CNTROB: variants seen among roughly 807,000 people sequenced by gnomAD.
CNTROB encodes the protein centrobin, centriole duplication and spindle assembly protein.
In CNTROB, 82 loss-of-function variants were observed where a neutral mutation model predicts 115.7. That is an observed-to-expected ratio of 0.71 (90% CI 0.59 to 0.85). CNTROB has a LOEUF of 0.85. Among genes scored for constraint, CNTROB ranks in the 40% least tolerant of loss-of-function variants. The probability of loss-of-function intolerance (pLI) is 0.00; values close to 1 mark genes in which losing one functional copy is unlikely to be tolerated. For synonymous variants in CNTROB, 439 were observed against 456.4 expected (o/e 0.96, Z 0.49); for missense variants, 1,014 against 1,144.4 (o/e 0.89, Z 1.64).
At position 7,948,247 on chromosome 17, in the gene CNTROB, C is replaced by T. The variant is rs1974791897; in HGVS notation, c.2300C>T (p.Ala767Val). 2 of 1,614,170 alleles carry T rather than the reference C, an allele frequency of 1.2e-6. No homozygotes were observed. Among genetic ancestry groups the T allele is most frequent in the African/African-American group, 1.3e-5 (1 of 75,032 alleles). Residue 767 changes from alanine to valine, a missense_variant, in exon 16 of 19, where the codon GCA (alanine) becomes GTA (valine). Physicochemically the swap from Ala to Val is moderately conservative, Grantham distance 64. Coordinates refer to ENST00000563694, the MANE Select transcript of CNTROB (RefSeq NM_053051.5). The surrounding 1 kb of genome is among the most constrained non-coding windows in gnomAD (Gnocchi z 4.4). The stretch of plus-strand genomic sequence containing the variant: ...AAAACCAAAGTTCCCTTAGCCATGG[C>T]ATCCAGTCTTTTCCGGGTCCCTGAG... Reference protein sequence around the residue: ...VHKTKVPLAMASSLFRVPEPP... With the variant: ...VHKTKVPLAMVSSLFRVPEPP...
In CNTROB at chr17:7,943,703, G is replaced by C; in HGVS notation, c.1445+179G>C. The C allele has an allele frequency of 3.1e-6, 2 of 639,712 alleles. No homozygotes were observed. Among genetic ancestry groups the C allele is most frequent in the South Asian group, 2.2e-5 (1 of 44,864 alleles). 39.6% of individuals were successfully genotyped at this position (639,712 alleles called of 1,614,324 possible). On this transcript the variant is annotated intron_variant, in intron 10 of 18. Coordinates refer to ENST00000563694, the MANE Select transcript of CNTROB (RefSeq NM_053051.5). The surrounding 1 kb of genome is among the most constrained non-coding windows in gnomAD (Gnocchi z 4.7). ...AGGGCTGCCTTCACGCGTTCATGGA[G>C]AGCCAGAAGTGCCTGGGAATTTTCA...
At chr17:7,938,488 G>T (rs1016054639) in intron 7 of CNTROB, among the ~76,000 whole-genome samples, 5 of 152,230 alleles carry the variant, frequency 3.3e-5, no homozygotes, top group Non-Finnish European at 7.3e-5. Context: ...TTATAGGCTG[G>T]ATATTCTAGT....
Position 7,948,101 on chromosome 17 carries a change from A to T in CNTROB, c.2210-56A>T, listed in dbSNP as rs942170291. On this transcript the variant is annotated intron_variant, in intron 15 of 18. Coordinates refer to ENST00000563694, the MANE Select transcript of CNTROB (RefSeq NM_053051.5). This position sits in a 1 kb window ranked among gnomAD's most constrained non-coding sequence, Gnocchi z 4.4. The stretch of plus-strand genomic sequence containing the variant: ...AGCCTTATAAATGCTGGGTGGTGGG[A>T]CTTCCTTGGTTCTATGCCCCATTTC... 3.7e-6 allele frequency: 6 copies of T among 1,606,588 alleles called. No individual in the cohort carries two copies. The Admixed American group carries it at 5.0e-5, about 13-fold the overall frequency.
intron 6 of CNTROB, 80 bp from the exon 7 acceptor site, chr17:7,937,084 A>G (rs1275638429): frequency 7.1e-6 from 11 of 1,557,216 alleles, no homozygotes; most frequent in Non-Finnish European, 9.7e-6. Context: ...TTTCAAGTTT[A>G]CATTGTCAAT....
In CNTROB at chr17:7,945,943, T is replaced by G. The variant is rs1400946730; in HGVS notation, c.1950T>G (p.Ser650=). 1.9e-5 allele frequency: 31 copies of G among 1,614,058 alleles called. No homozygotes were observed. Among genetic ancestry groups the G allele is most frequent in the Non-Finnish European group, 2.5e-5 (30 of 1,180,000 alleles). The change falls in exon 13 of 19, where the codon TCT becomes TCG. Residue 650 remains serine (S), a synonymous_variant. Coordinates refer to ENST00000563694, the MANE Select transcript of CNTROB (RefSeq NM_053051.5). ...LLGPSFQSQH[S]FQPLEPKPDL... is the part of the protein sequence containing the mutation. ...GCCCCTCTTTTCAGAGCCAGCATTCTTTCCAGCCCCTGGAGCCCAAACCAG... is the reference window on the plus strand; with the variant it reads ...GCCCCTCTTTTCAGAGCCAGCATTCGTTCCAGCCCCTGGAGCCCAAACCAG...
In CNTROB at chr17:7,939,845, T is replaced by A; in HGVS notation, c.1164+96T>A. ...AATGTTAGAATATGGGGGATACATA[T>A]AGGCAGGAATGGAGAGTAGAGAGCC... is the stretch of plus-strand genomic sequence containing the variant. On this transcript the variant is annotated intron_variant, in intron 8 of 18. Coordinates refer to ENST00000563694, the MANE Select transcript of CNTROB (RefSeq NM_053051.5). This position sits in a 1 kb window ranked among gnomAD's most constrained non-coding sequence, Gnocchi z 4.4. 2 of 1,246,482 alleles carry A rather than the reference T, an allele frequency of 1.6e-6. No individual in the cohort carries two copies. The highest frequency in any genetic ancestry group is 2.3e-6 in the Non-Finnish European group (2 of 865,906). The allele number at this position is 1,246,482 out of a possible 1,614,324, so 77.2% of individuals were successfully genotyped here.
intron 4 of CNTROB, 185 bp from the exon 5 acceptor site, chr17:7,936,181 G>A (rs1973143757): frequency 3.4e-6 from 2 of 590,078 alleles, no homozygotes; most frequent in Admixed American, 3.0e-5. Flanking sequence ...GAAACATGTT[G>A]GAGATCTTGA....
chr17:7,948,426 G>A lies in CNTROB; in HGVS notation c.2381-61G>A. 6.2e-7 allele frequency: 1 copy of A among 1,609,984 alleles called. No individual in the cohort carries two copies. Among genetic ancestry groups the A allele is most frequent in the South Asian group, 1.1e-5 (1 of 90,980 alleles). On this transcript the variant is annotated intron_variant, in intron 16 of 18. Transcript: ENST00000563694. This position sits in a 1 kb window ranked among gnomAD's most constrained non-coding sequence, Gnocchi z 4.4. ...GTCCTTCTGAATTCCTGGGGAAATG[G>A]GCTGAGGGCTGGGGAGACAGGCCCT...
chr17:7,937,345 G>A, intron 7 of CNTROB, 83 bp downstream of exon 7: 18 of 1,545,340 alleles, frequency 1.2e-5, no homozygotes, highest in Non-Finnish European at 1.6e-5. Flanking sequence ...GATTGTGGGA[G>A]ATTATAATTT....
At chr17:7,941,598 C>CAAA (rs34778352) in intron 9 of CNTROB, among the ~76,000 whole-genome samples, 4 of 79,936 alleles carry the variant, frequency 5.0e-5, no homozygotes, top group African/African-American at 1.0e-4. Flanking sequence ...GACTCCATCT[C>CAAA]AAAAAAAAAA....
chr17:7,948,852 C>A lies in CNTROB; in HGVS notation c.2513+233C>A. The A allele has an allele frequency of 6.9e-7, 1 of 1,457,626 alleles. No homozygotes were observed. Among genetic ancestry groups the A allele is most frequent in the Non-Finnish European group, 9.0e-7 (1 of 1,105,078 alleles). 90.3% of individuals were successfully genotyped at this position (1,457,626 alleles called of 1,614,324 possible). ...AAAATCTTTTCCCCGGGTCTCTCTA[C>A]CTTCGTTTTTTTCCTCTTTACCCCT... is the stretch of plus-strand genomic sequence containing the variant. On this transcript the variant is annotated intron_variant, in intron 17 of 18. Coordinates refer to ENST00000563694, the MANE Select transcript of CNTROB (RefSeq NM_053051.5). This position sits in a 1 kb window ranked among gnomAD's most constrained non-coding sequence, Gnocchi z 4.4.
Position 7,939,987 on chromosome 17 carries a change from G to A in CNTROB, c.1165-109G>A. On this transcript the variant is annotated intron_variant, in intron 8 of 18. Coordinates refer to ENST00000563694, the MANE Select transcript of CNTROB (RefSeq NM_053051.5). The surrounding 1 kb of genome is among the most constrained non-coding windows in gnomAD (Gnocchi z 4.4). ...GATGGGGAAATAAAACAAATGGGAG[G>A]AGCTGGGGGAAGCTTGGATTTTAGG... is the stretch of plus-strand genomic sequence containing the variant. 4 of 1,310,986 alleles carry A rather than the reference G, an allele frequency of 3.1e-6. No individual in the cohort carries two copies. The Admixed American group carries it at 6.8e-5, about 22-fold the overall frequency. 81.2% of individuals were successfully genotyped at this position (1,310,986 alleles called of 1,614,324 possible). A position where few individuals can be genotyped will look rare whatever the true frequency, so the allele number is the denominator to read the frequency against.
At chr17:7,936,655 G>A (rs1333819639) in intron 5 of CNTROB, 46 bp from the exon 6 acceptor site, 2 of 912,672 alleles carry the variant, frequency 2.2e-6, no homozygotes, top group Non-Finnish European at 3.7e-6. Flanking sequence ...GGTAGAAAGA[G>A]GCAAAAAAGT....
chr17:7,939,295 G>A lies in CNTROB; in HGVS notation c.928-218G>A, dbSNP rs1024434042. Among the ~76,000 whole-genome samples, 1 of 151,758 alleles carries A rather than the reference G, an allele frequency of 6.6e-6. No homozygotes were observed. ...TTTAGTAGAGATGGGGTTTCACCAT[G>A]TTGGACCAGGCTGGTCTCAAACTCC... On this transcript the variant is annotated intron_variant, in intron 7 of 18. Coordinates refer to ENST00000563694, the MANE Select transcript of CNTROB (RefSeq NM_053051.5). This position sits in a 1 kb window ranked among gnomAD's most constrained non-coding sequence, Gnocchi z 4.4.
Position 7,944,579 on chromosome 17 carries a change from G to T in CNTROB, c.1675G>T (p.Ala559Ser), listed in dbSNP as rs766391169. The T allele has an allele frequency of 1.5e-5, 24 of 1,614,030 alleles. No homozygotes were observed. Among genetic ancestry groups the T allele is most frequent in the Non-Finnish European group, 1.9e-5 (22 of 1,180,006 alleles). ...LVERLQAMLQ[A>S]HWDEANQLLS... ...GGAAAGACTGCAGGCCATGCTGCAGGCCCACTGGGATGAGGCCAACCAGCT... is the reference window on the plus strand; with the variant it reads ...GGAAAGACTGCAGGCCATGCTGCAGTCCCACTGGGATGAGGCCAACCAGCT... Residue 559 changes from alanine (A) to serine (S), a missense_variant, in exon 12 of 19, where the codon GCC (alanine) becomes TCC (serine). Ala to Ser is a moderately conservative substitution (Grantham distance 99). Transcript: ENST00000563694. This position sits in a 1 kb window ranked among gnomAD's most constrained non-coding sequence, Gnocchi z 4.0.
Position 7,944,365 on chromosome 17 carries a change from C to G in CNTROB, c.1572-111C>G. 1 of 1,560,028 alleles carries G rather than the reference C, an allele frequency of 6.4e-7. No homozygotes were observed. The highest frequency in any genetic ancestry group is 8.8e-7 in the Non-Finnish European group (1 of 1,133,750). On this transcript the variant is annotated intron_variant, in intron 11 of 18. Coordinates refer to ENST00000563694, the MANE Select transcript of CNTROB (RefSeq NM_053051.5). This position sits in a 1 kb window ranked among gnomAD's most constrained non-coding sequence, Gnocchi z 4.0. The stretch of plus-strand genomic sequence containing the variant: ...TGATCTGTCCTCCTCTACATGGGCC[C>G]CAGCTCCTTTCAGAATATCAGATGT...
intron 2 of CNTROB, 121 bp downstream of exon 2, chr17:7,934,343 C>CAAA: frequency 7.5e-7 from 1 of 1,338,610 alleles, no homozygotes; most frequent in Non-Finnish European, 1.1e-6. Context: ...AAAAGTCTCC[C>CAAA]GTTCTTTGGG....
At chr17:7,935,415 T>C (rs1304819495) in intron 4 of CNTROB, among the ~76,000 whole-genome samples, 1 of 151,426 alleles carries the variant, frequency 6.6e-6, no homozygotes, top group Non-Finnish European at 1.5e-5. Flanking sequence ...GGCAGGAGAA[T>C]GGCGTGAACC....
rs529485735 is a variant in CNTROB at position 7,939,710 on chromosome 17, G to A, written c.1125G>A (p.Ala375=). The change falls in exon 8 of 19, where the codon GCG becomes GCA. Residue 375 remains alanine, a synonymous_variant. Transcript: ENST00000563694. This position sits in a 1 kb window ranked among gnomAD's most constrained non-coding sequence, Gnocchi z 4.4. ...QEHQLKEHYQ[A]LQEESQAQLE... is the part of the protein sequence containing the mutation. ...ACCAGCTTAAGGAACACTACCAGGC[G>A]CTGCAGGAGGAGAGCCAGGCTCAGC... 6.2e-6 allele frequency: 10 copies of A among 1,614,122 alleles called. No homozygotes were observed. In the East Asian group the frequency reaches 1.1e-4, roughly 18 times the overall value.
Sources: gnomAD v4.1 joint callset for allele counts (sites outside exome capture counted in the v4.1 genomes callset) on GRCh38, gnomAD v4.1.1 for gene constraint, Gnocchi (gnomAD v3.1) non-coding constraint, MANE v1.5 for transcripts, NCBI Gene and HGNC (gene_info 2026-07-23, HGNC 2026-07-21) for gene names.